Variants in RABGAP1L observed in about 807,000 individuals in gnomAD.
The protein encoded by RABGAP1L is rab GTPase-activating protein 1-like.
In RABGAP1L, 63 loss-of-function variants were observed where a neutral mutation model predicts 137.7. The observed-to-expected ratio is 0.46, with a 90% CI of 0.37 to 0.56. The LOEUF (loss-of-function observed/expected upper bound fraction) is 0.56, where lower values mean the gene tolerates loss of function less well. Among genes scored for constraint, RABGAP1L ranks in the 20% least tolerant of loss-of-function variants. The pLI, the probability that RABGAP1L is intolerant of heterozygous loss-of-function variation, is 0.00. For synonymous variants in RABGAP1L, 431 were observed against 433.7 expected (o/e 0.99, Z 0.08); for missense variants, 1,095 against 1,244.0 (o/e 0.88, Z 1.80).
intron 18 of RABGAP1L, chr1:174,800,478 T>G (rs1688657386): frequency 6.4e-7 from 1 of 1,550,694 alleles, no homozygotes; most frequent in Admixed American, 2.0e-5. Context: ...GGGCATCGTC[T>G]GTTTGTGCCT....
intron 5 of RABGAP1L, among the ~76,000 whole-genome samples, chr1:174,242,088 A>G (rs1166250210): frequency 6.6e-6 from 1 of 152,188 alleles, no homozygotes; most frequent in Non-Finnish European, 1.5e-5. Context: ...TTATTTTATC[A>G]ATCTCTGTGG....
At chr1:174,699,479 C>T (rs1477316498) in intron 15 of RABGAP1L, 46 bp from the exon 16 acceptor site, 3 of 1,556,910 alleles carry the variant, frequency 1.9e-6, no homozygotes, top group South Asian at 1.2e-5. Context: ...GACATTCTGG[C>T]AAAATGCCAC....
chr1:174,721,318 C>T (rs1681523104), intron 17 of RABGAP1L, among the ~76,000 whole-genome samples: 1 of 152,104 alleles, frequency 6.6e-6, no homozygotes, highest in Admixed American at 6.6e-5. Flanking sequence ...GTTACTTTGG[C>T]AAATTCTGGG....
intron 17 of RABGAP1L, among the ~76,000 whole-genome samples, chr1:174,707,991 G>C (rs553356371): frequency 1.3e-5 from 2 of 152,252 alleles, no homozygotes; most frequent in South Asian, 2.1e-4. Flanking sequence ...ACTGACAGCC[G>C]GTGTTTGAAG....
chr1:174,490,488 G>C (rs1315042616), intron 13 of RABGAP1L, among the ~76,000 whole-genome samples: 1 of 152,144 alleles, frequency 6.6e-6, no homozygotes, highest in African/African-American at 2.4e-5. Flanking sequence ...AAGTGCCCCT[G>C]TGGTTACCAC....
chr1:174,819,699 A>G (rs1280490473), intron 19 of RABGAP1L, among the ~76,000 whole-genome samples: 1 of 152,192 alleles, frequency 6.6e-6, no homozygotes, highest in East Asian at 1.9e-4. Context: ...AAACTAGGAG[A>G]AGGCCAGTTT....
chr1:174,579,152 T>C (rs1002730507), intron 13 of RABGAP1L, among the ~76,000 whole-genome samples: 2 of 152,114 alleles, frequency 1.3e-5, no homozygotes, highest in African/African-American at 4.8e-5. Context: ...TTGAGTACAA[T>C]GTTGTAAACT....
chr1:174,275,954 T>A lies in RABGAP1L; in HGVS notation c.1156+19T>A, dbSNP rs944388633. The A allele has an allele frequency of 3.8e-6, 6 of 1,575,838 alleles. No homozygotes were observed. The highest frequency in any genetic ancestry group is 4.4e-6 in the Non-Finnish European group (5 of 1,149,110). ...CCAAAAGGTGACTTTTCTTAAAAGA[T>A]CCCTTATTGTTTGCTTTACATTTTA... On this transcript the variant is annotated intron_variant, in intron 9 of 25. Coordinates refer to ENST00000681986, the MANE Select transcript of RABGAP1L (RefSeq NM_001366446.1).
intron 13 of RABGAP1L, chr1:174,548,544 T>C (rs1572275931): frequency 1.0e-6 from 1 of 974,764 alleles, no homozygotes; most frequent in East Asian, 1.1e-4. Flanking sequence ...TTCAAAACAG[T>C]AAAATCACTA....
intron 13 of RABGAP1L, among the ~76,000 whole-genome samples, chr1:174,618,551 A>G (rs1356733818): frequency 6.6e-6 from 1 of 152,224 alleles, no homozygotes; most frequent in East Asian, 1.9e-4. Flanking sequence ...TGGAACTCCC[A>G]CAAACTCCAA....
chr1:174,904,145 TC>T (rs1309659341), intron 19 of RABGAP1L, among the ~76,000 whole-genome samples: 1 of 151,922 alleles, frequency 6.6e-6, no homozygotes, highest in Non-Finnish European at 1.5e-5. Context: ...TTCTGCTCTC[TC>T]CCCCATTCTG....
chr1:174,892,896 ATTTTTTTTTT>A (rs748971722), intron 19 of RABGAP1L, among the ~76,000 whole-genome samples: 13 of 91,864 alleles, frequency 1.4e-4, no homozygotes, highest in South Asian at 1.1e-3. Context: ...CACCCAGCTA[ATTTTTTTTTT>A]TTTTTTTTTT....
chr1:174,532,074 A>G (rs2147891372), intron 13 of RABGAP1L, among the ~76,000 whole-genome samples: 1 of 152,264 alleles, frequency 6.6e-6, no homozygotes, highest in South Asian at 2.1e-4. Flanking sequence ...AAAATCTAGT[A>G]TGAGTAAGAG....
intron 10 of RABGAP1L, among the ~76,000 whole-genome samples, chr1:174,289,630 G>A (rs1676393385): frequency 6.6e-6 from 1 of 152,146 alleles, no homozygotes; most frequent in Non-Finnish European, 1.5e-5. Flanking sequence ...GTTCACTTTG[G>A]CAAGGAAAGA....
At chr1:174,925,399 A>C (rs572342089) in intron 19 of RABGAP1L, among the ~76,000 whole-genome samples, 2 of 151,858 alleles carry the variant, frequency 1.3e-5, no homozygotes, top group African/African-American at 2.4e-5. Context: ...ACAACAACAA[A>C]AAAAACAGCT....
chr1:174,360,184 C>T (rs1041202680), intron 11 of RABGAP1L, among the ~76,000 whole-genome samples: 10 of 152,022 alleles, frequency 6.6e-5, no homozygotes, highest in South Asian at 4.1e-4. Flanking sequence ...TATGGCACAT[C>T]GTTGGGGTTT....
intron 13 of RABGAP1L, among the ~76,000 whole-genome samples, chr1:174,460,912 C>T (rs1656615621): frequency 6.6e-6 from 1 of 151,956 alleles, no homozygotes; most frequent in Non-Finnish European, 1.5e-5. Flanking sequence ...ATCTGCTGAG[C>T]CTCATTTAAA....
intron 7 of RABGAP1L, among the ~76,000 whole-genome samples, chr1:174,269,152 C>A (rs1419151442): frequency 6.6e-6 from 1 of 152,156 alleles, no homozygotes; most frequent in Non-Finnish European, 1.5e-5. Context: ...ATCTTGTTAG[C>A]CAGGATGGTC....
intron 19 of RABGAP1L, among the ~76,000 whole-genome samples, chr1:174,915,081 T>C (rs1169211758): frequency 6.6e-6 from 1 of 152,232 alleles, no homozygotes; most frequent in Non-Finnish European, 1.5e-5. Flanking sequence ...TACCAGTTGA[T>C]GGACTTTTTG....
Sources: gnomAD v4.1 joint callset for allele counts (sites outside exome capture counted in the v4.1 genomes callset) on GRCh38, gnomAD v4.1.1 for gene constraint, MANE v1.5 for transcripts, NCBI Gene and HGNC (gene_info 2026-07-23, HGNC 2026-07-21) for gene names.